The following UVRAG variants were observed in gnomAD, a reference collection of about 807,000 sequenced individuals.
UVRAG encodes the protein UV radiation resistance-associated gene protein.
UVRAG carries 19 observed loss-of-function variants against 78.0 expected under a neutral mutation model. That is an observed-to-expected ratio of 0.24 (90% CI 0.17 to 0.36). The LOEUF is 0.36. Ranked by LOEUF, UVRAG falls within the 10% of genes least tolerant of loss-of-function variation. The probability of loss-of-function intolerance (pLI) is 1.00; values close to 1 mark genes in which losing one functional copy is unlikely to be tolerated. For synonymous variants in UVRAG, 323 were observed against 324.6 expected (o/e 1.00, Z 0.05); for missense variants, 740 against 853.8 (o/e 0.87, Z 1.66).
At chr11:76,099,178 A>C (rs1450615656) in intron 13 of UVRAG, among the ~76,000 whole-genome samples, 1 of 152,146 alleles carries the variant, frequency 6.6e-6, no homozygotes, top group African/African-American at 2.4e-5. Flanking sequence ...CAGTTCCCCC[A>C]AAAAAGTCTA....
In UVRAG at chr11:75,828,641, G is replaced by A. The variant is rs1388724670; in HGVS notation, c.117+13117G>A. Among the ~76,000 whole-genome samples the A allele has an allele frequency of 2.0e-5, 3 of 147,294 alleles. No homozygotes were observed. The East Asian group carries it at 6.0e-4, about 29-fold the overall frequency. On this transcript the variant is annotated intron_variant, in intron 1 of 14. Transcript: ENST00000356136. ...CTACAGGCACGCACCACCATGCCTG[G>A]CTAATTTATATGAATATAAATAAAT...
At chr11:75,853,102 G>A (rs921173174) in intron 2 of UVRAG, among the ~76,000 whole-genome samples, 9 of 151,932 alleles carry the variant, frequency 5.9e-5, no homozygotes, top group African/African-American at 2.2e-4. Context: ...TTGTAGAAAT[G>A]GGGTCCTACT....
rs746538458 is a variant in UVRAG, at chr11:76,115,945, G to T, written c.1327G>T (p.Gly443Trp). Residue 443 changes from glycine (G) to tryptophan (W), a missense_variant, in exon 14 of 15, where the codon GGG becomes TGG. Gly to Trp is a radical substitution (Grantham distance 184, BLOSUM62 -2). Transcript: ENST00000356136. ...IAQLRYQHGL[G>W]TPDLRQTLPN... Reference sequence around the variant, plus strand: ...ACAGCTAAGATATCAACATGGACTAGGGACTCCAGACTTGCGGCAAACCCT... The same window carrying T: ...ACAGCTAAGATATCAACATGGACTATGGACTCCAGACTTGCGGCAAACCCT... 6.2e-7 allele frequency: 1 copy of T among 1,613,788 alleles called. No individual in the cohort carries two copies.
intron 12 of UVRAG, among the ~76,000 whole-genome samples, chr11:76,060,008 G>A (rs779049373): frequency 8.5e-5 from 13 of 152,212 alleles, no homozygotes; most frequent in Admixed American, 2.6e-4. Context: ...GGCTCTGAAG[G>A]TGAAGGCAAG....
At chr11:76,083,310 T>A (rs1002367726) in intron 13 of UVRAG, among the ~76,000 whole-genome samples, 1 of 151,582 alleles carries the variant, frequency 6.6e-6, no homozygotes, top group African/African-American at 2.4e-5. Context: ...ATTTTTGGTA[T>A]TTTTTTTTCT....
intron 14 of UVRAG, among the ~76,000 whole-genome samples, chr11:76,125,424 C>T (rs1482290038): frequency 2.6e-5 from 4 of 152,170 alleles, no homozygotes; most frequent in Non-Finnish European, 5.9e-5. Context: ...CTTAGGGGAC[C>T]AGGCTTCTTC....
At chr11:76,096,063 G>A (rs1214041206) in intron 13 of UVRAG, among the ~76,000 whole-genome samples, 1 of 152,166 alleles carries the variant, frequency 6.6e-6, no homozygotes, top group Admixed American at 6.6e-5. Flanking sequence ...CTTGCTAAGT[G>A]TCATTTGTGT....
intron 5 of UVRAG, among the ~76,000 whole-genome samples, chr11:75,910,099 G>A (rs1312720050): frequency 6.6e-6 from 1 of 152,106 alleles, no homozygotes; most frequent in Non-Finnish European, 1.5e-5. Context: ...ATGTTTCATA[G>A]TATGTCTGTT....
intron 8 of UVRAG, among the ~76,000 whole-genome samples, chr11:75,993,710 T>G (rs540670712): frequency 1.3e-5 from 2 of 152,314 alleles, no homozygotes; most frequent in South Asian, 4.1e-4. Context: ...ATTGTATTAG[T>G]CCATTTTTGC....
chr11:75,930,321 T>A (rs1489985049), intron 6 of UVRAG, among the ~76,000 whole-genome samples: 2 of 152,220 alleles, frequency 1.3e-5, no homozygotes, highest in African/African-American at 2.4e-5. Flanking sequence ...ATACTTTTTT[T>A]AAGATCTTAC....
chr11:75,823,492 G>A (rs1945444857), intron 1 of UVRAG, among the ~76,000 whole-genome samples: 1 of 152,140 alleles, frequency 6.6e-6, no homozygotes, highest in Non-Finnish European at 1.5e-5. Context: ...ACCATGCCTG[G>A]TTCATTTTTT....
intron 12 of UVRAG, among the ~76,000 whole-genome samples, chr11:76,023,070 T>A (rs1950274015): frequency 2.0e-5 from 3 of 152,294 alleles, no homozygotes; most frequent in Non-Finnish European, 4.4e-5. Flanking sequence ...CCCATCTTTA[T>A]GTTGTTGTTG....
intron 4 of UVRAG, among the ~76,000 whole-genome samples, chr11:75,882,442 G>C (rs1194145064): frequency 6.6e-6 from 1 of 151,820 alleles, no homozygotes; most frequent in Admixed American, 6.6e-5. Flanking sequence ...GAACCGGGGA[G>C]GTGGAGGTTG....
At position 75,860,018 on chromosome 11, in the gene UVRAG, C is replaced by A. The variant is rs568246983; in HGVS notation, c.236-1728C>A. ...TGAAGTGCAATGTGCAATCTCAGCT[C>A]ACTGCAACCTCCACCTTCTGGGTTC... On this transcript the variant is annotated intron_variant, in intron 2 of 14. Coordinates refer to ENST00000356136, the MANE Select transcript of UVRAG (RefSeq NM_003369.4). Among the ~76,000 whole-genome samples the A allele has an allele frequency of 4.6e-5, 7 of 152,342 alleles. No homozygotes were observed. The East Asian group carries it at 1.3e-3, about 29-fold the overall frequency.
At chr11:76,031,281 G>C (rs988943729) in intron 12 of UVRAG, among the ~76,000 whole-genome samples, 1 of 152,098 alleles carries the variant, frequency 6.6e-6, no homozygotes, top group Non-Finnish European at 1.5e-5. Flanking sequence ...TTTAAAATAA[G>C]GAATCCCCAT....
intron 13 of UVRAG, among the ~76,000 whole-genome samples, chr11:76,096,033 C>T (rs1345294829): frequency 6.6e-6 from 1 of 152,092 alleles, no homozygotes; most frequent in Non-Finnish European, 1.5e-5. Context: ...GAGAGTCAAA[C>T]CTGGAAGCAG....
At chr11:76,058,571 A>G (rs950717769) in intron 12 of UVRAG, among the ~76,000 whole-genome samples, 1 of 151,942 alleles carries the variant, frequency 6.6e-6, no homozygotes, top group Admixed American at 6.6e-5. Flanking sequence ...TCTTTGGCAG[A>G]TACCCTGATT....
At chr11:75,897,425 A>G (rs1947365957) in intron 5 of UVRAG, among the ~76,000 whole-genome samples, 1 of 152,232 alleles carries the variant, frequency 6.6e-6, no homozygotes, top group Admixed American at 6.5e-5. Context: ...TTGTAGATGG[A>G]AAAACTGACG....
chr11:76,010,676 G>A (rs977901213), intron 11 of UVRAG, among the ~76,000 whole-genome samples: 1 of 152,102 alleles, frequency 6.6e-6, no homozygotes. Context: ...GTAATTTCTT[G>A]TGATGATTGA....
Sources: gnomAD v4.1 joint callset for allele counts (sites outside exome capture counted in the v4.1 genomes callset) on GRCh38, gnomAD v4.1.1 for gene constraint, MANE v1.5 for transcripts, NCBI Gene and HGNC (gene_info 2026-07-23, HGNC 2026-07-21) for gene names.